The following GRXCR1 variants were observed in gnomAD, a reference collection of about 807,000 sequenced individuals.
GRXCR1 encodes the protein glutaredoxin domain-containing cysteine-rich protein 1.
A neutral mutation model predicts 27.3 loss-of-function variants in GRXCR1; 27 were observed. That is an observed-to-expected ratio of 0.99 (90% CI 0.73 to 1.37). The LOEUF is 1.37. Among genes scored for constraint, GRXCR1 ranks in the 40% most tolerant of loss-of-function variants. The pLI is 0.00. For missense variants in GRXCR1, 379 were observed against 354.4 expected, an observed-to-expected ratio of 1.07 and a Z score of -0.56; for synonymous variants, 122 against 131.1, an observed-to-expected ratio of 0.93 and a Z score of 0.47.
At position 42,903,971 on chromosome 4, in the gene GRXCR1, A is replaced by G. The variant is rs1487706230; in HGVS notation, c.384+10321A>G. ...GCTGGAGGTTTAAATATGATACACA[A>G]CCAACTATTTCAGGGAACATAATTC... On this transcript the variant is annotated intron_variant, in intron 1 of 3. Coordinates refer to ENST00000399770, the MANE Select transcript of GRXCR1 (RefSeq NM_001080476.3). Among the ~76,000 whole-genome samples, 6 of 152,238 alleles carry G rather than the reference A, an allele frequency of 3.9e-5. No individual in the cohort carries two copies. In the East Asian group the frequency reaches 1.2e-3, roughly 29 times the overall value.
At chr4:42,960,005 A>T (rs1748095697) in intron 1 of GRXCR1, among the ~76,000 whole-genome samples, 1 of 151,970 alleles carries the variant, frequency 6.6e-6, no homozygotes, top group Non-Finnish European at 1.5e-5. Flanking sequence ...GTGATCTCAT[A>T]CATTAGATGA....
At chr4:43,017,010 T>C (rs564678995) in intron 2 of GRXCR1, among the ~76,000 whole-genome samples, 1 of 152,362 alleles carries the variant, frequency 6.6e-6, no homozygotes. Flanking sequence ...AATTTTAAGT[T>C]GTAAAGTGTT....
At chr4:42,930,320 C>T (rs1747273334) in intron 1 of GRXCR1, among the ~76,000 whole-genome samples, 1 of 152,088 alleles carries the variant, frequency 6.6e-6, no homozygotes, top group South Asian at 2.1e-4. Flanking sequence ...ACCATTTCCC[C>T]ATCTCAGTCA....
intron 2 of GRXCR1, among the ~76,000 whole-genome samples, chr4:42,994,153 A>T (rs1400544783): frequency 6.6e-6 from 1 of 152,154 alleles, no homozygotes; most frequent in African/African-American, 2.4e-5. Flanking sequence ...AACAACTTTC[A>T]GTCAGTTCGT....
At chr4:42,932,766 C>T (rs1370669687) in intron 1 of GRXCR1, among the ~76,000 whole-genome samples, 1 of 150,834 alleles carries the variant, frequency 6.6e-6, no homozygotes, top group Non-Finnish European at 1.5e-5. Flanking sequence ...AGAATTTACT[C>T]CCTTTCACCC....
At chr4:42,894,495 T>C (rs759031575) in intron 1 of GRXCR1, among the ~76,000 whole-genome samples, 1 of 152,130 alleles carries the variant, frequency 6.6e-6, no homozygotes, top group Non-Finnish European at 1.5e-5. Flanking sequence ...AATTCCTTTT[T>C]ATATTCTCAA....
intron 1 of GRXCR1, among the ~76,000 whole-genome samples, chr4:42,960,388 G>T (rs958514906): frequency 6.6e-6 from 1 of 151,912 alleles, no homozygotes; most frequent in Non-Finnish European, 1.5e-5. Context: ...TCTGCAGTGA[G>T]TTTCTGTGCC....
Position 42,962,976 on chromosome 4 carries a change from G to T in GRXCR1, c.469G>T (p.Glu157Ter), listed in dbSNP as rs774844858. The T allele has an allele frequency of 8.7e-6, 14 of 1,612,712 alleles. No individual in the cohort carries two copies. In the Admixed American group the frequency reaches 2.2e-4, roughly 25 times the overall value. ...GGTCCGGACAACCTTTGAAAGATGT[G>T]AACTGGTTAGAAAGATTTTCCAAAA... ...RVVRTTFERC[E>*]LVRKIFQNHR... Residue 157 changes from glutamate to a stop codon, truncating the protein, a stop_gained, in exon 2 of 4, where the codon GAA becomes TAA. Transcript: ENST00000399770. LOFTEE classifies it high-confidence loss of function.
At chr4:42,927,400 A>G (rs886133939) in intron 1 of GRXCR1, among the ~76,000 whole-genome samples, 1 of 152,032 alleles carries the variant, frequency 6.6e-6, no homozygotes, top group Non-Finnish European at 1.5e-5. Flanking sequence ...TGATGCTTCT[A>G]GAGACCTCAC....
chr4:42,984,989 A>G (rs1442586168), intron 2 of GRXCR1, among the ~76,000 whole-genome samples: 1 of 152,158 alleles, frequency 6.6e-6, no homozygotes, highest in East Asian at 1.9e-4. Flanking sequence ...GGTCCAAGGC[A>G]AAGTCTTATG....
chr4:42,954,300 G>A (rs967893142), intron 1 of GRXCR1, among the ~76,000 whole-genome samples: 3 of 152,136 alleles, frequency 2.0e-5, no homozygotes, highest in African/African-American at 4.8e-5. Context: ...AGAAAGCGTA[G>A]GGATGAGTAA....
intron 1 of GRXCR1, among the ~76,000 whole-genome samples, chr4:42,938,131 C>A (rs549258747): frequency 1.3e-5 from 2 of 152,032 alleles, no homozygotes; most frequent in East Asian, 3.9e-4. Context: ...TCCATGAGTA[C>A]AATTGTTTTA....
intron 1 of GRXCR1, among the ~76,000 whole-genome samples, chr4:42,919,470 A>G (rs1214373439): frequency 6.6e-6 from 1 of 152,116 alleles, no homozygotes; most frequent in Non-Finnish European, 1.5e-5. Context: ...TTTGCTTTAC[A>G]TTTTATAATG....
chr4:42,914,395 GT>G lies in GRXCR1; in HGVS notation c.384+20748del, dbSNP rs199832925. On this transcript the variant is annotated intron_variant, in intron 1 of 3. Coordinates refer to ENST00000399770, the MANE Select transcript of GRXCR1 (RefSeq NM_001080476.3). ...AAGAAGATCATTTTGGAACTTTAAG[GT>G]TTAATAACTGCCCTATTGAATTTTG... 9.3e-3 allele frequency among the ~76,000 whole-genome samples: 1,421 copies of G among 152,330 alleles called. 10 individuals carry two copies. Among genetic ancestry groups the G allele is most frequent in the Middle Eastern group, 0.024 (7 of 294 alleles).
intron 2 of GRXCR1, among the ~76,000 whole-genome samples, chr4:43,016,640 TG>T: frequency 1.3e-5 from 2 of 151,322 alleles, no homozygotes; most frequent in Non-Finnish European, 2.9e-5. Context: ...TGTTTGTGTG[TG>T]TGTGTGTGTG....
In GRXCR1 at chr4:42,910,722, T is replaced by G. The variant is rs571873554; in HGVS notation, c.384+17072T>G. Among the ~76,000 whole-genome samples the G allele has an allele frequency of 2.6e-5, 4 of 152,268 alleles. 1 individual carries two copies. In the East Asian group the frequency reaches 7.8e-4, roughly 30 times the overall value. On this transcript the variant is annotated intron_variant, in intron 1 of 3. Transcript: ENST00000399770. ...ATATAAGCTGTCCTTGATTTTCCAT[T>G]CTGACTCCTCCAGTCTTATCGCTGG...
chr4:42,966,366 AG>A (rs572821086), intron 2 of GRXCR1, among the ~76,000 whole-genome samples: 247 of 152,198 alleles, frequency 1.6e-3, no homozygotes, highest in African/African-American at 5.6e-3. Flanking sequence ...GGTGACAGAG[AG>A]AGGAATAGAA....
intron 1 of GRXCR1, among the ~76,000 whole-genome samples, chr4:42,946,961 G>A (rs1398505845): frequency 6.6e-6 from 1 of 152,140 alleles, no homozygotes; most frequent in Non-Finnish European, 1.5e-5. Context: ...TGCTGGGGGT[G>A]CAGAAGATGG....
intron 1 of GRXCR1, among the ~76,000 whole-genome samples, chr4:42,931,905 G>A (rs1747319632): frequency 6.6e-6 from 1 of 151,950 alleles, no homozygotes; most frequent in South Asian, 2.1e-4. Context: ...GGCTGCGGAG[G>A]CCTCACAATC....
Sources: gnomAD v4.1 joint callset for allele counts (sites outside exome capture counted in the v4.1 genomes callset) on GRCh38, gnomAD v4.1.1 for gene constraint, MANE v1.5 for transcripts, NCBI Gene and HGNC (gene_info 2026-07-23, HGNC 2026-07-21) for gene names.